The following RBFOX1 variants were observed in gnomAD, a reference collection of about 807,000 sequenced individuals.
RBFOX1 encodes the protein RNA binding protein fox-1 homolog 1.
A neutral mutation model predicts 57.7 loss-of-function variants in RBFOX1; 8 were observed. The observed-to-expected ratio is 0.14, with a 90% CI of 0.08 to 0.25. The LOEUF (loss-of-function observed/expected upper bound fraction) is 0.25. Ranked by LOEUF, RBFOX1 falls within the 10% of genes least tolerant of loss-of-function variation. The pLI is 1.00. For missense variants in RBFOX1, 611 were observed against 548.5 expected (o/e 1.11, Z -1.14); for synonymous variants, 326 against 222.4 (o/e 1.47, Z -4.15).
At chr16:6,009,032 G>A (rs989212547) in intron 4 of RBFOX1, among the ~76,000 whole-genome samples, 4 of 151,694 alleles carry the variant, frequency 2.6e-5, no homozygotes, top group African/African-American at 9.7e-5. Flanking sequence ...ATGCCTTTTC[G>A]ACTAAAAATG....
In RBFOX1 at chr16:6,173,604, C is replaced by CTTTTT. The variant is rs35528338; in HGVS notation, c.-126-143372_-126-143368dup. Among the ~76,000 whole-genome samples the CTTTTT allele has an allele frequency of 3.8e-3, 268 of 70,932 alleles. 25 individuals are homozygous for CTTTTT. The highest frequency in any genetic ancestry group is 0.012 in the African/African-American group (208 of 17,048). The allele number at this position is 70,932 out of a possible 152,430, so 46.5% of individuals were successfully genotyped here. ...GTATGGAGTGGACACTGACCACTCC[C>CTTTTT]TTTTTTTTTTTTTTTTTTTTTTTGA... is the stretch of plus-strand genomic sequence containing the variant. On this transcript the variant is annotated intron_variant, in intron 1 of 15. Coordinates refer to ENST00000550418, the MANE Select transcript of RBFOX1 (RefSeq NM_018723.4).
chr16:5,989,049 G>A (rs1254162044), intron 4 of RBFOX1, among the ~76,000 whole-genome samples: 2 of 151,870 alleles, frequency 1.3e-5, no homozygotes, highest in Non-Finnish European at 2.9e-5. Flanking sequence ...AGCCAGGCGC[G>A]GTGGCTCACG....
At chr16:7,130,974 G>A (rs931449461) in intron 4 of RBFOX1, among the ~76,000 whole-genome samples, 1 of 152,158 alleles carries the variant, frequency 6.6e-6, no homozygotes, top group African/African-American at 2.4e-5. Context: ...AAGGTGATCA[G>A]TTTTTCCATT....
chr16:6,282,365 T>TG (rs970001315), intron 1 of RBFOX1, among the ~76,000 whole-genome samples: 5 of 151,456 alleles, frequency 3.3e-5, no homozygotes, highest in African/African-American at 1.2e-4. Flanking sequence ...GTTTTTTTTT[T>TG]TTTTTTTTTT....
intron 4 of RBFOX1, among the ~76,000 whole-genome samples, chr16:7,283,276 A>G (rs997714427): frequency 5.3e-5 from 8 of 151,656 alleles, no homozygotes; most frequent in Non-Finnish European, 7.4e-5. Flanking sequence ...TCCAGCTTTC[A>G]GTTTTCCATG....
rs1257361531 is a variant in RBFOX1, at chr16:7,518,319, C to G, written c.200C>G (p.Pro67Arg). 2.5e-6 allele frequency: 4 copies of G among 1,614,116 alleles called. No individual in the cohort carries two copies. Among genetic ancestry groups the G allele is most frequent in the Admixed American group, 3.3e-5 (2 of 60,022 alleles). ...TVPEHTLNLYPPAQTHSEQSP... is the reference protein window; with the variant it reads ...TVPEHTLNLYRPAQTHSEQSP... ...CCCGAGCACACATTAAACCTGTACC[C>G]TCCCGCCCAGACGCACTCCGAGCAG... The change falls in exon 5 of 16, where the codon CCT becomes CGT. Residue 67 changes from proline (P) to arginine (R), a missense_variant. Around this residue, in one of 3 missense-constraint regions of RBFOX1, gnomAD observed 245 missense variants for 159.1 expected, o/e 1.54. Coordinates refer to ENST00000550418, the MANE Select transcript of RBFOX1 (RefSeq NM_018723.4).
intron 1 of RBFOX1, among the ~76,000 whole-genome samples, chr16:6,098,747 G>A (rs144407418): frequency 2.0e-4 from 31 of 152,252 alleles, no homozygotes; most frequent in Non-Finnish European, 3.8e-4. Context: ...TAAAAATCCA[G>A]AATCAATCAC....
intron 1 of RBFOX1, among the ~76,000 whole-genome samples, chr16:5,260,061 C>G (rs2062695398): frequency 6.6e-6 from 1 of 152,206 alleles, no homozygotes; most frequent in African/African-American, 2.4e-5. Flanking sequence ...ATTAGTCAGG[C>G]ATGATGGTGC....
At chr16:6,385,862 A>G (rs1307090963) in intron 2 of RBFOX1, among the ~76,000 whole-genome samples, 2 of 151,976 alleles carry the variant, frequency 1.3e-5, no homozygotes, top group African/African-American at 4.8e-5. Context: ...GAGTGTGCCA[A>G]TGAGATCTTT....
At chr16:6,228,046 C>T (rs138898974) in intron 1 of RBFOX1, among the ~76,000 whole-genome samples, 1 of 152,158 alleles carries the variant, frequency 6.6e-6, no homozygotes, top group South Asian at 2.1e-4. Flanking sequence ...CACGGTGGCT[C>T]ACACCTATAA....
At chr16:5,413,139 C>T (rs568229389) in intron 1 of RBFOX1, among the ~76,000 whole-genome samples, 2 of 152,302 alleles carry the variant, frequency 1.3e-5, no homozygotes, top group African/African-American at 2.4e-5. Flanking sequence ...CCCTGAGCCT[C>T]AGGAGTCCTG....
chr16:7,155,025 G>A (rs898291392), intron 4 of RBFOX1, among the ~76,000 whole-genome samples: 1 of 151,988 alleles, frequency 6.6e-6, no homozygotes, highest in Non-Finnish European at 1.5e-5. Context: ...AATTGCTATT[G>A]AGCTGGAATA....
intron 4 of RBFOX1, among the ~76,000 whole-genome samples, chr16:7,476,010 G>C (rs976847617): frequency 3.9e-5 from 6 of 151,930 alleles, no homozygotes; most frequent in Non-Finnish European, 7.4e-5. Flanking sequence ...CTGTCACCCA[G>C]GCTGGAGTGC....
intron 1 of RBFOX1, among the ~76,000 whole-genome samples, chr16:5,375,085 C>CAAAAA (rs576765968): frequency 5.4e-5 from 2 of 37,104 alleles, no homozygotes; most frequent in African/African-American, 1.4e-4. Context: ...TTTAAATGGC[C>CAAAAA]AAAAAAAAAA....
intron 13 of RBFOX1, among the ~76,000 whole-genome samples, chr16:7,668,591 C>T (rs1271941960): frequency 2.0e-5 from 3 of 151,870 alleles, no homozygotes; most frequent in Non-Finnish European, 4.4e-5. Flanking sequence ...GGAGGTGATG[C>T]GGGGGTTGTC....
chr16:5,832,285 C>T (rs1229740991), intron 3 of RBFOX1, among the ~76,000 whole-genome samples: 1 of 152,214 alleles, frequency 6.6e-6, no homozygotes, highest in African/African-American at 2.4e-5. Flanking sequence ...GTTCTTTACC[C>T]CAGCTAGTTC....
chr16:6,017,314 T>G (rs143859622), upstream of RBFOX1, among the ~76,000 whole-genome samples: 10 of 152,316 alleles, frequency 6.6e-5, no homozygotes, highest in African/African-American at 2.2e-4. Context: ...TGCCATTTAT[T>G]TCTTCTATCA....
At chr16:5,827,526 C>G (rs4609849) in intron 3 of RBFOX1, among the ~76,000 whole-genome samples, 1 of 151,750 alleles carries the variant, frequency 6.6e-6, no homozygotes, top group African/African-American at 2.4e-5. Context: ...ATCAAGACTC[C>G]GCAAGATTTT....
chr16:6,577,959 A>T (rs189159219), intron 2 of RBFOX1, among the ~76,000 whole-genome samples: 24 of 152,384 alleles, frequency 1.6e-4, no homozygotes, highest in Non-Finnish European at 1.5e-5. Context: ...AGTCACTAGG[A>T]CAAGGTTACC....
Sources: gnomAD v4.1 joint callset for allele counts (sites outside exome capture counted in the v4.1 genomes callset) on GRCh38, gnomAD v4.1.1 for gene constraint, gnomAD v4.1.1 regional missense constraint, MANE v1.5 for transcripts, NCBI Gene and HGNC (gene_info 2026-07-23, HGNC 2026-07-21) for gene names.